The following PDE4D variants were observed in gnomAD, a reference collection of about 807,000 sequenced individuals.
The protein encoded by PDE4D is 3',5'-cyclic-AMP phosphodiesterase 4D.
Under a neutral mutation model 87.4 loss-of-function variants are expected in PDE4D, and 24 were observed. The ratio of observed to expected loss-of-function variants is 0.27; its 90% CI spans 0.20 to 0.39. PDE4D has a LOEUF of 0.39. Among genes scored for constraint, PDE4D ranks in the 10% least tolerant of loss-of-function variants. The pLI, the probability that PDE4D is intolerant of heterozygous loss-of-function variation, is 1.00. For missense variants in PDE4D, 714 were observed against 1,041.0 expected, an observed-to-expected ratio of 0.69 and a Z score of 4.32; for synonymous variants, 384 against 383.2, an observed-to-expected ratio of 1.00 and a Z score of -0.02.
At chr5:60,024,472 T>C (rs1766413107) in intron 2 of PDE4D, among the ~76,000 whole-genome samples, 1 of 152,182 alleles carries the variant, frequency 6.6e-6, no homozygotes, top group African/African-American at 2.4e-5. Context: ...AATTAGAAAT[T>C]TACAGAGGTG....
Position 60,039,084 on chromosome 5 carries a change from T to C in PDE4D, c.43-50367A>G, listed in dbSNP as rs551410503. Among the ~76,000 whole-genome samples, 506 of 151,562 alleles carry C rather than the reference T, an allele frequency of 3.3e-3. 7 individuals are homozygous for C. Among genetic ancestry groups the C allele is most frequent in the African/African-American group, 0.011 (441 of 41,328 alleles). On this transcript the variant is annotated intron_variant, in intron 2 of 16. Transcript: ENST00000502484. ...CCATTTGACCCAGCCATGCCATTACTGGGTATATACCCAAAGGACTATAAA... is the reference window on the plus strand; with the variant it reads ...CCATTTGACCCAGCCATGCCATTACCGGGTATATACCCAAAGGACTATAAA...
intron 3 of PDE4D, among the ~76,000 whole-genome samples, chr5:59,942,365 G>C (rs926767915): frequency 3.9e-5 from 6 of 152,224 alleles, no homozygotes; most frequent in Admixed American, 2.6e-4. Context: ...TTGGCCAAGA[G>C]AGTGCTAGCA....
At chr5:59,558,507 A>G (rs886621893) in intron 1 of PDE4D, 12 of 152,236 alleles carry the variant, frequency 7.9e-5, no homozygotes, top group African/African-American at 2.9e-4. Context: ...CCTCTGAAGC[A>G]GTAGCATGCA....
chr5:60,303,459 C>CT (rs1354667600), intron 1 of PDE4D, among the ~76,000 whole-genome samples: 13 of 152,120 alleles, frequency 8.5e-5, no homozygotes, highest in Non-Finnish European at 1.5e-5. Context: ...CAGGCGCGCG[C>CT]CACCACGCCC....
At chr5:60,252,014 G>A (rs1391051135) in intron 1 of PDE4D, among the ~76,000 whole-genome samples, 3 of 151,874 alleles carry the variant, frequency 2.0e-5, no homozygotes, top group Non-Finnish European at 4.4e-5. Context: ...TTGCCATTGT[G>A]TTACAATTGC....
chr5:59,345,911 A>T (rs1240815344), intron 1 of PDE4D, among the ~76,000 whole-genome samples: 1 of 152,208 alleles, frequency 6.6e-6, no homozygotes, highest in Non-Finnish European at 1.5e-5. Context: ...TTACTAAGTG[A>T]TATATCCAAT....
intron 1 of PDE4D, among the ~76,000 whole-genome samples, chr5:60,386,348 C>T (rs1254921211): frequency 6.6e-6 from 1 of 152,088 alleles, no homozygotes; most frequent in African/African-American, 2.4e-5. Context: ...TGCTTAAGAG[C>T]CCCTAATAAA....
In PDE4D at chr5:59,039,208, T is replaced by A. The variant is rs1759152383; in HGVS notation, c.809-237A>T. ...TCCAGCTTGGCGTCTCGGGTCGGCC[T>A]CCAGGGAGGGCGTGCAAAGAGCGGC... On this transcript the variant is annotated intron_variant, in intron 5 of 14. Coordinates refer to ENST00000340635, the MANE Select transcript of PDE4D (RefSeq NM_001104631.2). The A allele has an allele frequency of 7.0e-6, 9 of 1,294,448 alleles. No individual in the cohort carries two copies. The South Asian group carries it at 1.8e-4, about 26-fold the overall frequency. The allele number at this position is 1,294,448 out of a possible 1,614,324, so 80.2% of individuals were successfully genotyped here.
At chr5:60,393,413 T>C (rs1174490316) in intron 1 of PDE4D, among the ~76,000 whole-genome samples, 2 of 152,328 alleles carry the variant, frequency 1.3e-5, no homozygotes, top group East Asian at 3.9e-4. Context: ...GTTTCTTTTT[T>C]CCTTTTTTTC....
At chr5:59,152,241 G>T (rs186648671) in intron 5 of PDE4D, among the ~76,000 whole-genome samples, 15 of 152,238 alleles carry the variant, frequency 9.9e-5, no homozygotes, top group Admixed American at 1.3e-4. Context: ...TTGGCACACA[G>T]AATTGTTATT....
chr5:60,250,152 G>GC (rs1748262356), intron 1 of PDE4D, among the ~76,000 whole-genome samples: 1 of 151,862 alleles, frequency 6.6e-6, no homozygotes, highest in Non-Finnish European at 1.5e-5. Context: ...CATTAAAAGA[G>GC]TTTTTTGCAG....
At chr5:60,263,990 TAAAC>T (rs1749922462) in intron 1 of PDE4D, among the ~76,000 whole-genome samples, 1 of 150,692 alleles carries the variant, frequency 6.6e-6, no homozygotes, top group Non-Finnish European at 1.5e-5. Flanking sequence ...GAAAAAATAA[TAAAC>T]TAAAATAAAA....
In PDE4D at chr5:60,208,003, T is replaced by C. The variant is rs926649425; in HGVS notation, c.-89-22316A>G. ...ATCGGGCTTCTAACTGTTCATTTGT[T>C]CTTTCAGATACTTATTAAGCACCTA... On this transcript the variant is annotated intron_variant, in intron 1 of 16. Coordinates refer to the PDE4D transcript ENST00000502484. Among the ~76,000 whole-genome samples the C allele has an allele frequency of 7.9e-5, 12 of 152,340 alleles. No homozygotes were observed. The East Asian group carries it at 2.3e-3, about 29-fold the overall frequency.
intron 5 of PDE4D, among the ~76,000 whole-genome samples, chr5:59,068,564 T>C (rs1157638394): frequency 6.6e-6 from 1 of 152,180 alleles, no homozygotes; most frequent in Non-Finnish European, 1.5e-5. Flanking sequence ...AATGAAAATT[T>C]TAATCTTATT....
At chr5:59,676,606 TTCATAAGGAAA>T (rs1430929270) in intron 1 of PDE4D, among the ~76,000 whole-genome samples, 6 of 152,118 alleles carry the variant, frequency 3.9e-5, no homozygotes, top group Admixed American at 3.3e-4. Flanking sequence ...TATGCTGTGT[TTCATAAGGAAA>T]TCAAAGGATA....
At chr5:59,692,632 A>G (rs1210316280) in intron 1 of PDE4D, among the ~76,000 whole-genome samples, 1 of 152,122 alleles carries the variant, frequency 6.6e-6, no homozygotes, top group African/African-American at 2.4e-5. Flanking sequence ...CATGTTGTAG[A>G]GTATTGCTGA....
intron 1 of PDE4D, among the ~76,000 whole-genome samples, chr5:59,660,943 T>C (rs1317078013): frequency 6.6e-6 from 1 of 151,888 alleles, no homozygotes; most frequent in Non-Finnish European, 1.5e-5. Flanking sequence ...TAGATCATAA[T>C]GCCAAGAGTA....
At chr5:60,379,415 T>C (rs1761688476) in intron 1 of PDE4D, among the ~76,000 whole-genome samples, 1 of 152,106 alleles carries the variant, frequency 6.6e-6, no homozygotes, top group African/African-American at 2.4e-5. Context: ...GTCCCAAAAA[T>C]AAATAAAACT....
intron 1 of PDE4D, among the ~76,000 whole-genome samples, chr5:59,348,373 T>A (rs1779949342): frequency 6.6e-6 from 1 of 152,128 alleles, no homozygotes; most frequent in Non-Finnish European, 1.5e-5. Context: ...TGACCTCTGC[T>A]GTTTGAAATG....
Sources: allele counts gnomAD v4.1 joint callset (sites outside exome capture counted in the v4.1 genomes callset), GRCh38; gene constraint gnomAD v4.1.1; transcripts MANE v1.5; gene names NCBI Gene and HGNC (gene_info 2026-07-23, HGNC 2026-07-21).